FOXP2: variants seen among roughly 807,000 people sequenced by gnomAD.
The protein encoded by FOXP2 is forkhead box P2.
In FOXP2, 12 loss-of-function variants were observed where a neutral mutation model predicts 115.8. The observed-to-expected ratio is 0.10, with a 90% CI of 0.07 to 0.17. The LOEUF (loss-of-function observed/expected upper bound fraction) is 0.17. FOXP2 is among the 10% of genes least tolerant of loss of function. The pLI is 1.00. For synonymous variants in FOXP2, 328 were observed against 297.7 expected (o/e 1.10, Z -1.05); for missense variants, 629 against 843.5 (o/e 0.75, Z 3.15).
intron 2 of FOXP2, among the ~76,000 whole-genome samples, chr7:114,396,075 A>C (rs1792729215): frequency 6.6e-6 from 1 of 151,842 alleles, no homozygotes; most frequent in Admixed American, 6.6e-5. Flanking sequence ...GGCTTTAGTC[A>C]CCCTATTGTG....
At chr7:114,149,838 T>G (rs1007327902) in intron 1 of FOXP2, among the ~76,000 whole-genome samples, 6 of 152,066 alleles carry the variant, frequency 3.9e-5, no homozygotes, top group Non-Finnish European at 7.4e-5. Context: ...TCCTTTTAAT[T>G]TCTTGAAATA....
At chr7:114,194,063 TAA>T (rs1167533693) in intron 1 of FOXP2, among the ~76,000 whole-genome samples, 1 of 152,116 alleles carries the variant, frequency 6.6e-6, no homozygotes, top group Non-Finnish European at 1.5e-5. Flanking sequence ...CTCCTGTGCA[TAA>T]AGACTGATTT....
At chr7:114,462,723 T>G (rs1244047986) in intron 2 of FOXP2, among the ~76,000 whole-genome samples, 1 of 152,194 alleles carries the variant, frequency 6.6e-6, no homozygotes, top group Non-Finnish European at 1.5e-5. Flanking sequence ...ATTTTCCTTT[T>G]GAGTTGAAAT....
At chr7:114,476,039 A>G (rs2129233661) in intron 2 of FOXP2, among the ~76,000 whole-genome samples, 1 of 151,864 alleles carries the variant, frequency 6.6e-6, no homozygotes, top group South Asian at 2.1e-4. Flanking sequence ...ATAGTTTACA[A>G]ATATCTTCTG....
intron 2 of FOXP2, among the ~76,000 whole-genome samples, chr7:114,357,569 C>T (rs2690833): frequency 0.57 from 87,216 of 151,848 alleles, 25,754 homozygotes; most frequent in East Asian, 0.84. Context: ...AAGGACCACA[C>T]GGTTCTTTGG....
chr7:114,453,013 A>C (rs1334341614), intron 2 of FOXP2, among the ~76,000 whole-genome samples: 3 of 152,110 alleles, frequency 2.0e-5, no homozygotes, highest in African/African-American at 7.2e-5. Flanking sequence ...GTTAAAAATA[A>C]ATATTGAGCT....
rs752419775 is a variant in FOXP2, at chr7:114,468,547, C to G, written c.168+41868C>G. Among the ~76,000 whole-genome samples the G allele has an allele frequency of 3.9e-5, 6 of 152,026 alleles. 1 individual carries two copies. Among genetic ancestry groups the G allele is most frequent in the Non-Finnish European group, 8.8e-5 (6 of 68,018 alleles). On this transcript the variant is annotated intron_variant, in intron 2 of 16. Transcript: ENST00000350908. ...ATCTCTAGCAATCCTGCTTGTAGTTCCCTACGCTACATACGGGTCCTCGCT... is the reference window on the plus strand; with the variant it reads ...ATCTCTAGCAATCCTGCTTGTAGTTGCCTACGCTACATACGGGTCCTCGCT...
chr7:114,256,289 T>G (rs1795611146), intron 1 of FOXP2, among the ~76,000 whole-genome samples: 1 of 152,128 alleles, frequency 6.6e-6, no homozygotes, highest in South Asian at 2.1e-4. Flanking sequence ...ATTTTTTTAG[T>G]AGAGACAGGG....
intron 1 of FOXP2, among the ~76,000 whole-genome samples, chr7:114,172,520 A>G (rs1472557894): frequency 6.6e-6 from 1 of 152,254 alleles, no homozygotes. Flanking sequence ...GTTAATGGTA[A>G]TGTATCAGTT....
chr7:114,649,944 A>G (rs1806143340), intron 8 of FOXP2, among the ~76,000 whole-genome samples: 1 of 152,134 alleles, frequency 6.6e-6, no homozygotes, highest in Non-Finnish European at 1.5e-5. Context: ...GATAATTTAG[A>G]TAGAGGCTCA....
chr7:114,675,793 T>G (rs1413800658), intron 16 of FOXP2, among the ~76,000 whole-genome samples: 1 of 152,102 alleles, frequency 6.6e-6, no homozygotes, highest in Non-Finnish European at 1.5e-5. Context: ...ACTATAGAAA[T>G]AGTCTATTTT....
At chr7:114,241,917 G>C (rs994970491) in intron 1 of FOXP2, among the ~76,000 whole-genome samples, 2 of 150,920 alleles carry the variant, frequency 1.3e-5, no homozygotes, top group Non-Finnish European at 1.5e-5. Context: ...GCCCATCCTT[G>C]AAATCTTCTA....
At chr7:114,596,748 G>A (rs1481059122) in intron 3 of FOXP2, among the ~76,000 whole-genome samples, 1 of 152,074 alleles carries the variant, frequency 6.6e-6, no homozygotes, top group Non-Finnish European at 1.5e-5. Context: ...ATTTGGAAGA[G>A]TGTTACTTAT....
At chr7:114,570,879 G>T (rs747951230) in intron 3 of FOXP2, 1 of 1,611,712 alleles carries the variant, frequency 6.2e-7, no homozygotes, top group Non-Finnish European at 8.5e-7. Flanking sequence ...CAACACATTT[G>T]CAGTAAGTTA....
intron 1 of FOXP2, among the ~76,000 whole-genome samples, chr7:114,131,807 A>G (rs1203352083): frequency 6.6e-6 from 1 of 152,186 alleles, no homozygotes; most frequent in African/African-American, 2.4e-5. Flanking sequence ...TGCACAGTGA[A>G]GAAATCATTC....
chr7:114,107,420 T>C (rs1057249774), intron 1 of FOXP2, among the ~76,000 whole-genome samples: 2 of 151,968 alleles, frequency 1.3e-5, no homozygotes, highest in Admixed American at 6.6e-5. Context: ...ATGTGCACAT[T>C]GAAGAAATCA....
At chr7:114,597,022 A>G (rs1802754039) in intron 3 of FOXP2, among the ~76,000 whole-genome samples, 1 of 152,134 alleles carries the variant, frequency 6.6e-6, no homozygotes, top group East Asian at 1.9e-4. Context: ...GAATTATTAT[A>G]ATTCAAAAAA....
chr7:114,416,793 G>GT lies in FOXP2; in HGVS notation c.-11+1437dup, dbSNP rs1793367806. On this transcript the variant is annotated intron_variant, in intron 1 of 16. Coordinates refer to ENST00000350908, the MANE Select transcript of FOXP2 (RefSeq NM_014491.4). ...GAGAGGTTTAATGATTAGCCTGTTG[G>GT]TTTTCACGGAAAGCAGAGTCCTATA... is the stretch of plus-strand genomic sequence containing the variant. Among the ~76,000 whole-genome samples, 3 of 152,076 alleles carry GT rather than the reference G, an allele frequency of 2.0e-5. No individual in the cohort carries two copies. In the South Asian group the frequency reaches 6.2e-4, roughly 32 times the overall value.
At chr7:114,495,483 CTTTTTTTTTTTTTTT>C (rs35933398) in intron 2 of FOXP2, among the ~76,000 whole-genome samples, 3 of 61,456 alleles carry the variant, frequency 4.9e-5, no homozygotes, top group Admixed American at 2.3e-4. Context: ...TTCTCTCTCT[CTTTTTTTTTTTTTTT>C]TTTTTTTTTT....
Sources: gnomAD v4.1 joint callset for allele counts (sites outside exome capture counted in the v4.1 genomes callset) on GRCh38, gnomAD v4.1.1 for gene constraint, MANE v1.5 for transcripts, NCBI Gene and HGNC (gene_info 2026-07-23, HGNC 2026-07-21) for gene names.